The following DISC1 variants were observed in gnomAD, a reference collection of about 807,000 sequenced individuals.
The protein encoded by DISC1 is disrupted in schizophrenia 1 protein.
A neutral mutation model predicts 84.5 loss-of-function variants in DISC1; 57 were observed. The observed-to-expected ratio is 0.67, with a 90% CI of 0.55 to 0.84. The LOEUF is 0.84. Among genes scored for constraint, DISC1 ranks in the 40% least tolerant of loss-of-function variants. The pLI is 0.00. For synonymous variants in DISC1, 411 were observed against 415.2 expected (o/e 0.99, Z 0.12); for missense variants, 1,000 against 1,057.8 (o/e 0.95, Z 0.76).
chr1:231,790,770 G>A (rs917834460), intron 6 of DISC1, among the ~76,000 whole-genome samples: 13 of 151,936 alleles, frequency 8.6e-5, no homozygotes, highest in African/African-American at 7.3e-5. Context: ...TGCCCACCTC[G>A]GCCTCCCAAA....
intron 3 of DISC1, among the ~76,000 whole-genome samples, chr1:231,734,788 T>A (rs762193443): frequency 3.9e-5 from 6 of 152,252 alleles, no homozygotes; most frequent in Admixed American, 2.0e-4. Flanking sequence ...AAAATTTTTG[T>A]ATCATCTCCA....
At chr1:231,646,589 T>G (rs1471183979) in intron 1 of DISC1, among the ~76,000 whole-genome samples, 2 of 152,202 alleles carry the variant, frequency 1.3e-5, no homozygotes, top group Non-Finnish European at 2.9e-5. Flanking sequence ...ATGGGATCAC[T>G]GGGCCAAATG....
chr1:231,819,942 TA>T (rs1178191722), intron 9 of DISC1, among the ~76,000 whole-genome samples: 2 of 152,114 alleles, frequency 1.3e-5, no homozygotes, highest in Non-Finnish European at 1.5e-5. Context: ...TATCTCTTTT[TA>T]AAAAAAGAAC....
At chr1:232,000,261 T>A (rs1012239417) in intron 10 of DISC1, among the ~76,000 whole-genome samples, 20 of 152,254 alleles carry the variant, frequency 1.3e-4, no homozygotes, top group Middle Eastern at 3.4e-3. Flanking sequence ...GAAATTTTTT[T>A]AAAAACCAAA....
chr1:231,714,315 G>C (rs185038365), intron 3 of DISC1, among the ~76,000 whole-genome samples: 3 of 152,202 alleles, frequency 2.0e-5, no homozygotes, highest in African/African-American at 7.2e-5. Flanking sequence ...GTTGATTTTT[G>C]ACAAGGGGTG....
chr1:231,729,897 A>G (rs2071282456), intron 3 of DISC1, among the ~76,000 whole-genome samples: 1 of 152,184 alleles, frequency 6.6e-6, no homozygotes, highest in Non-Finnish European at 1.5e-5. Flanking sequence ...TGTGGTTTGA[A>G]TTATATTTTA....
Position 231,660,863 on chromosome 1 carries a change from C to T in DISC1, c.68-32963C>T, listed in dbSNP as rs1853323. ...TGTTTATGTAGTTGCTTCATAGTGT[C>T]ACTGGTCTGTGTAGTTCAGTGTGTT... On this transcript the variant is annotated intron_variant, in intron 1 of 12. Transcript: ENST00000439617. 2.3e-3 allele frequency among the ~76,000 whole-genome samples: 350 copies of T among 152,292 alleles called. 5 individuals are homozygous for T. The highest frequency in any genetic ancestry group is 8.0e-3 in the African/African-American group (334 of 41,554).
At chr1:231,735,975 G>A (rs776233885) in intron 3 of DISC1, among the ~76,000 whole-genome samples, 1 of 152,060 alleles carries the variant, frequency 6.6e-6, no homozygotes, top group African/African-American at 2.4e-5. Flanking sequence ...ACTGCACTTG[G>A]CTACTTATTT....
At chr1:231,810,977 G>T (rs780135708) in intron 8 of DISC1, among the ~76,000 whole-genome samples, 3 of 152,136 alleles carry the variant, frequency 2.0e-5, no homozygotes, top group Admixed American at 6.5e-5. Flanking sequence ...TGCACCTTGT[G>T]GATCAGAGTT....
rs932386686 is a variant in DISC1, at chr1:231,814,033, G to C, written c.1793-4296G>C. Among the ~76,000 whole-genome samples the C allele has an allele frequency of 1.7e-4, 26 of 152,258 alleles. No individual in the cohort carries two copies. In the Middle Eastern group the frequency reaches 0.01, roughly 60 times the overall value. ...GGGTCTTTATCCAATCATGGCATTG[G>C]AAACTATGGACTTCAGTGACAGATG... On this transcript the variant is annotated intron_variant, in intron 8 of 12. Transcript: ENST00000439617.
At chr1:231,918,784 G>A (rs775473281) in intron 9 of DISC1, among the ~76,000 whole-genome samples, 1 of 152,152 alleles carries the variant, frequency 6.6e-6, no homozygotes, top group Non-Finnish European at 1.5e-5. Context: ...GGGGAAGGAA[G>A]GAACGTGAGG....
chr1:231,967,671 T>C (rs1035994253), intron 10 of DISC1, among the ~76,000 whole-genome samples: 5 of 152,194 alleles, frequency 3.3e-5, no homozygotes, highest in African/African-American at 1.2e-4. Context: ...AGAGAAACAA[T>C]GATTTACATT....
At chr1:232,020,216 C>T (rs534074840) in intron 11 of DISC1, among the ~76,000 whole-genome samples, 1 of 152,198 alleles carries the variant, frequency 6.6e-6, no homozygotes, top group South Asian at 2.1e-4. Flanking sequence ...GTGGTGCATG[C>T]CTGTAATCCC....
At chr1:231,788,258 C>T (rs1195160386) in intron 6 of DISC1, among the ~76,000 whole-genome samples, 1 of 152,144 alleles carries the variant, frequency 6.6e-6, no homozygotes, top group African/African-American at 2.4e-5. Context: ...GCACTCCAGC[C>T]TGGGTGACAG....
At chr1:231,952,162 ACAGT>A (rs987103694) in intron 9 of DISC1, among the ~76,000 whole-genome samples, 4 of 152,012 alleles carry the variant, frequency 2.6e-5, no homozygotes, top group South Asian at 2.1e-4. Context: ...TGTATGAATG[ACAGT>A]CAGGTATAAC....
intron 8 of DISC1, among the ~76,000 whole-genome samples, chr1:231,811,449 T>C (rs2125706593): frequency 6.6e-6 from 1 of 152,340 alleles, no homozygotes; most frequent in Non-Finnish European, 1.5e-5. Flanking sequence ...CCTTGAAAGA[T>C]CTGGTGTCAC....
At position 231,761,128 on chromosome 1, in the gene DISC1, G is replaced by A. The variant is rs1318291349; in HGVS notation, c.1269-6012G>A. On this transcript the variant is annotated intron_variant, in intron 4 of 12. Coordinates refer to ENST00000439617, the MANE Select transcript of DISC1 (RefSeq NM_018662.3). ...AAAAGGCCAAGATTTTTCCCGTACT[G>A]GGGTGGTGCCGATGGAGACCTGTAT... Among the ~76,000 whole-genome samples the A allele has an allele frequency of 2.0e-5, 3 of 152,072 alleles. No homozygotes were observed. The East Asian group carries it at 5.8e-4, about 29-fold the overall frequency.
At chr1:232,000,569 C>G (rs1754609) in intron 10 of DISC1, among the ~76,000 whole-genome samples, 51,831 of 151,938 alleles carry the variant, frequency 0.34, 9,415 homozygotes, top group African/African-American at 0.46. Context: ...TTGGTGAAAG[C>G]CATAATCCTA....
At chr1:231,764,003 G>A (rs531745867) in intron 4 of DISC1, among the ~76,000 whole-genome samples, 2 of 152,340 alleles carry the variant, frequency 1.3e-5, no homozygotes, top group African/African-American at 4.8e-5. Context: ...CGGAGGCAGT[G>A]CGACCCTGTG....
Sources: gnomAD v4.1 joint callset for allele counts (sites outside exome capture counted in the v4.1 genomes callset) on GRCh38, gnomAD v4.1.1 for gene constraint, MANE v1.5 for transcripts, NCBI Gene and HGNC (gene_info 2026-07-23, HGNC 2026-07-21) for gene names.